ARID2: variants seen among roughly 807,000 people sequenced by gnomAD.
The protein encoded by ARID2 is AT-rich interaction domain 2.
Under a neutral mutation model 184.6 loss-of-function variants are expected in ARID2, and 32 were observed. That is an observed-to-expected ratio of 0.17 (90% CI 0.13 to 0.23). The LOEUF is 0.23. Among genes scored for constraint, ARID2 ranks in the 10% least tolerant of loss-of-function variants. The pLI is 1.00. For synonymous variants in ARID2, 836 were observed against 772.6 expected, an observed-to-expected ratio of 1.08 and a Z score of -1.36; for missense variants, 1,696 against 2,197.6, an observed-to-expected ratio of 0.77 and a Z score of 4.56.
chr12:45,837,273 A>C (rs774025066), intron 8 of ARID2, 48 bp from the exon 9 acceptor site: 1 of 1,442,784 alleles, frequency 6.9e-7, no homozygotes, highest in Admixed American at 2.1e-5. Flanking sequence ...TGAAGTATAC[A>C]ACTCTGGAAG....
intron 15 of ARID2, among the ~76,000 whole-genome samples, chr12:45,858,512 ATT>A (rs1943691115): frequency 6.6e-6 from 1 of 152,172 alleles, no homozygotes; most frequent in Non-Finnish European, 1.5e-5. Context: ...ATTAACTTCT[ATT>A]GATAGACATT....
chr12:45,842,586 A>G (rs1415706951), intron 11 of ARID2, among the ~76,000 whole-genome samples: 1 of 151,882 alleles, frequency 6.6e-6, no homozygotes, highest in Non-Finnish European at 1.5e-5. Context: ...GTGAAACCCC[A>G]TCTCTACTAA....
Position 45,850,933 on chromosome 12 carries a change from A to C in ARID2, c.2810A>C (p.Gln937Pro). 1 of 1,614,186 alleles carries C rather than the reference A, an allele frequency of 6.2e-7. No individual in the cohort carries two copies. The highest frequency in any genetic ancestry group is 8.5e-7 in the Non-Finnish European group (1 of 1,180,020). ...VIVSQPAQQG[Q>P]TYAPAIHQIV... ...GTAAGCCAGCCAGCTCAACAAGGTC[A>C]AACTTATGCACCAGCCATTCACCAA... Residue 937 changes from glutamine to proline, a missense_variant, in exon 15 of 21, where the codon CAA (glutamine) becomes CCA (proline). This residue lies in a region of ARID2 where 713 missense variants were observed against 824.4 expected (regional missense o/e 0.86). Transcript: ENST00000334344.
chr12:45,795,702 C>CTG (rs150774853), intron 3 of ARID2, among the ~76,000 whole-genome samples: 45,456 of 151,932 alleles, frequency 0.3, 6,965 homozygotes, highest in Admixed American at 0.34. Context: ...TCCCAAAGTG[C>CTG]TGGGATTATA....
chr12:45,810,873 T>C (rs756433776), intron 3 of ARID2, among the ~76,000 whole-genome samples: 1 of 152,206 alleles, frequency 6.6e-6, no homozygotes, highest in Non-Finnish European at 1.5e-5. Context: ...GTTATTTGAA[T>C]AGTGGTATGG....
At chr12:45,849,806 T>C (rs1327726778) in intron 14 of ARID2, 30 bp downstream of exon 14, 2 of 1,573,218 alleles carry the variant, frequency 1.3e-6, no homozygotes, top group Admixed American at 3.5e-5. Context: ...TTTTAAAGTA[T>C]TACTGATTTA....
intron 3 of ARID2, among the ~76,000 whole-genome samples, chr12:45,784,018 C>T (rs1051811390): frequency 1.3e-5 from 2 of 152,122 alleles, no homozygotes; most frequent in South Asian, 4.1e-4. Flanking sequence ...GAATCAGGGT[C>T]TCACTGTGTT....
At chr12:45,800,926 C>T (rs1435991287) in intron 3 of ARID2, among the ~76,000 whole-genome samples, 1 of 152,116 alleles carries the variant, frequency 6.6e-6, no homozygotes, top group Non-Finnish European at 1.5e-5. Flanking sequence ...TAAGAGGAGA[C>T]TCTCTGAATC....
At chr12:45,795,661 C>T (rs1012310759) in intron 3 of ARID2, among the ~76,000 whole-genome samples, 2 of 152,044 alleles carry the variant, frequency 1.3e-5, no homozygotes, top group African/African-American at 4.8e-5. Context: ...TGGTCTCGAT[C>T]TCCTGACCTC....
Position 45,838,868 on chromosome 12 carries a change from GT to G in ARID2, c.1331-446del, listed in dbSNP as rs537586640. The stretch of plus-strand genomic sequence containing the variant: ...CAGAGATTGAGCCTAAAAATGTTTT[GT>G]TTTTTTTTTTTTTTGAGACAGAATC... On this transcript the variant is annotated intron_variant, in intron 10 of 20. Coordinates refer to ENST00000334344, the MANE Select transcript of ARID2 (RefSeq NM_152641.4). 8.2e-4 allele frequency among the ~76,000 whole-genome samples: 111 copies of G among 135,544 alleles called. 1 individual carries two copies. Among genetic ancestry groups the G allele is most frequent in the Non-Finnish European group, 9.2e-4 (57 of 61,920 alleles). 88.9% of individuals were successfully genotyped at this position (135,544 alleles called of 152,430 possible). A position where few individuals can be genotyped will look rare whatever the true frequency, so the allele number is the denominator to read the frequency against.
chr12:45,765,956 A>G (rs1941763155), intron 3 of ARID2, among the ~76,000 whole-genome samples: 1 of 152,180 alleles, frequency 6.6e-6, no homozygotes, highest in Admixed American at 6.5e-5. Flanking sequence ...AGTCAACAAA[A>G]TTATTTTGAA....
At chr12:45,746,915 C>T (rs1043397821) in intron 3 of ARID2, among the ~76,000 whole-genome samples, 5 of 152,028 alleles carry the variant, frequency 3.3e-5, no homozygotes, top group African/African-American at 1.2e-4. Context: ...TACAGGCGCT[C>T]GCCACCATGC....
intron 3 of ARID2, among the ~76,000 whole-genome samples, chr12:45,745,648 A>G (rs1464713738): frequency 1.3e-5 from 2 of 152,156 alleles, no homozygotes; most frequent in Non-Finnish European, 1.5e-5. Context: ...CCTGGGTTCA[A>G]GTGATTCTCA....
chr12:45,800,728 T>C (rs1379571816), intron 3 of ARID2, among the ~76,000 whole-genome samples: 2 of 151,962 alleles, frequency 1.3e-5, no homozygotes, highest in East Asian at 3.9e-4. Context: ...GAATATCTTA[T>C]TGTGCTATAA....
At chr12:45,775,120 G>A (rs1408794143) in intron 3 of ARID2, among the ~76,000 whole-genome samples, 3 of 152,086 alleles carry the variant, frequency 2.0e-5, no homozygotes, top group Non-Finnish European at 2.9e-5. Context: ...GTGATTGTGC[G>A]TTCATCCTAT....
intron 3 of ARID2, among the ~76,000 whole-genome samples, chr12:45,779,567 T>C (rs943823434): frequency 6.6e-6 from 1 of 152,130 alleles, no homozygotes; most frequent in African/African-American, 2.4e-5. Flanking sequence ...TTTGGAAATA[T>C]TTGGTCATTG....
chr12:45,756,098 G>C (rs113832960), intron 3 of ARID2: 2 of 152,244 alleles, frequency 1.3e-5, no homozygotes, highest in Non-Finnish European at 2.9e-5. Context: ...TAGAGATGGG[G>C]TTTCACCATG....
chr12:45,845,826 G>A (rs372173513), intron 11 of ARID2, among the ~76,000 whole-genome samples: 22 of 152,102 alleles, frequency 1.4e-4, no homozygotes, highest in African/African-American at 4.3e-4. Flanking sequence ...TGTATAATCT[G>A]TGTGCTTAAA....
At chr12:45,834,105 TC>T (rs1943171047) in intron 6 of ARID2, among the ~76,000 whole-genome samples, 1 of 152,202 alleles carries the variant, frequency 6.6e-6, no homozygotes, top group Non-Finnish European at 1.5e-5. Flanking sequence ...TTTCTCTTGT[TC>T]AGTGATTACA....
Sources: gnomAD v4.1 joint callset for allele counts (sites outside exome capture counted in the v4.1 genomes callset) on GRCh38, gnomAD v4.1.1 for gene constraint, gnomAD v4.1.1 regional missense constraint, MANE v1.5 for transcripts, NCBI Gene and HGNC (gene_info 2026-07-23, HGNC 2026-07-21) for gene names.